The following ZNF804A variants were observed in gnomAD, a reference collection of about 807,000 sequenced individuals.
ZNF804A encodes the protein zinc finger protein 804A.
Under a neutral mutation model 16.5 loss-of-function variants are expected in ZNF804A, and 2 were observed. The ratio of observed to expected loss-of-function variants is 0.12; its 90% CI spans 0.05 to 0.38. ZNF804A has a LOEUF of 0.38. Ranked by LOEUF, ZNF804A falls within the 10% of genes least tolerant of loss-of-function variation. The pLI, the probability that ZNF804A is intolerant of heterozygous loss-of-function variation, is 0.99. For missense variants in ZNF804A, 1,473 were observed against 1,390.7 expected (o/e 1.06, Z -0.94); for synonymous variants, 534 against 489.6 (o/e 1.09, Z -1.20).
chr2:184,915,999 C>A, intron 2 of ZNF804A, among the ~76,000 whole-genome samples: 1 of 152,156 alleles, frequency 6.6e-6, no homozygotes, highest in East Asian at 1.9e-4. Flanking sequence ...AGGATATTTG[C>A]TAACATTCTA....
intron 1 of ZNF804A, among the ~76,000 whole-genome samples, chr2:184,765,556 C>A (rs557356073): frequency 7.8e-4 from 118 of 151,554 alleles, no homozygotes; most frequent in African/African-American, 2.6e-3. Context: ...ATGCAGCCCC[C>A]AGTCACGTAA....
intron 1 of ZNF804A, among the ~76,000 whole-genome samples, chr2:184,742,346 T>A (rs1385837967): frequency 1.3e-5 from 2 of 152,012 alleles, no homozygotes; most frequent in Non-Finnish European, 2.9e-5. Flanking sequence ...TCAGGTAATA[T>A]ATTCCCTTTC....
At chr2:184,776,144 G>A (rs910379063) in intron 1 of ZNF804A, among the ~76,000 whole-genome samples, 2 of 151,498 alleles carry the variant, frequency 1.3e-5, no homozygotes, top group African/African-American at 4.8e-5. Context: ...AAAAAGAACA[G>A]TTAAATCATA....
intron 1 of ZNF804A, among the ~76,000 whole-genome samples, chr2:184,781,072 A>G (rs984131013): frequency 6.6e-6 from 1 of 151,658 alleles, no homozygotes. Flanking sequence ...GTGATCTCTC[A>G]TCCTTGGAGA....
chr2:184,696,754 G>A (rs1416875880), intron 1 of ZNF804A, among the ~76,000 whole-genome samples: 1 of 151,854 alleles, frequency 6.6e-6, no homozygotes, highest in Non-Finnish European at 1.5e-5. Flanking sequence ...ACAATAGTTG[G>A]TTTTCATTCC....
At chr2:184,639,185 T>A (rs7600673) in intron 1 of ZNF804A, among the ~76,000 whole-genome samples, 18,854 of 151,328 alleles carry the variant, frequency 0.12, 1,259 homozygotes, top group Middle Eastern at 0.23. Context: ...GAAATTCTCT[T>A]GCTTCAGCCT....
chr2:184,723,563 C>T (rs1226433131), intron 1 of ZNF804A, among the ~76,000 whole-genome samples: 3 of 151,752 alleles, frequency 2.0e-5, no homozygotes, highest in Non-Finnish European at 3.0e-5. Flanking sequence ...TTTATAGGAA[C>T]ACCATTCAAC....
intron 1 of ZNF804A, among the ~76,000 whole-genome samples, chr2:184,647,352 C>T (rs974387658): frequency 5.9e-5 from 9 of 152,156 alleles, no homozygotes; most frequent in Admixed American, 6.5e-5. Flanking sequence ...AATGTAGTGA[C>T]GCCAACAAAG....
intron 1 of ZNF804A, among the ~76,000 whole-genome samples, chr2:184,860,447 A>C (rs1204995695): frequency 1.3e-5 from 2 of 152,246 alleles, no homozygotes; most frequent in Non-Finnish European, 2.9e-5. Flanking sequence ...GATTATATCC[A>C]CAGGAACTTG....
intron 1 of ZNF804A, among the ~76,000 whole-genome samples, chr2:184,777,376 G>A (rs1694304820): frequency 6.6e-6 from 1 of 151,496 alleles, no homozygotes; most frequent in Non-Finnish European, 1.5e-5. Context: ...ACTTAACCAG[G>A]CTTTAAATAT....
In ZNF804A at chr2:184,936,591, T is replaced by C. The variant is rs1190739664; in HGVS notation, c.1195T>C (p.Leu399=). ...EVENKNGPET[L]APSNTEEVNI... Reference sequence around the variant, plus strand: ...TGAAAATAAAAATGGTCCCGAGACATTGGCCCCTTCAAATACTGAAGAGGT... The same window carrying C: ...TGAAAATAAAAATGGTCCCGAGACACTGGCCCCTTCAAATACTGAAGAGGT... The change falls in exon 4 of 4, where the codon TTG becomes CTG. Residue 399 remains leucine, a synonymous_variant. Transcript: ENST00000302277. 4.3e-6 allele frequency: 7 copies of C among 1,614,048 alleles called. No individual in the cohort carries two copies. In the Admixed American group the frequency reaches 5.0e-5, roughly 12 times the overall value.
intron 1 of ZNF804A, among the ~76,000 whole-genome samples, chr2:184,682,027 C>A (rs759404118): frequency 2.5e-4 from 38 of 152,354 alleles, no homozygotes; most frequent in Non-Finnish European, 4.9e-4. Context: ...GCACCCCCTG[C>A]CGCCTCAGCC....
intron 1 of ZNF804A, among the ~76,000 whole-genome samples, chr2:184,600,823 G>A (rs187945066): frequency 5.1e-4 from 77 of 152,252 alleles, no homozygotes; most frequent in South Asian, 1.0e-3. Context: ...TGTGTGTTTG[G>A]AGTTGGTTCA....
intron 1 of ZNF804A, among the ~76,000 whole-genome samples, chr2:184,795,312 T>C (rs894853859): frequency 4.6e-5 from 7 of 152,146 alleles, no homozygotes; most frequent in Non-Finnish European, 7.4e-5. Flanking sequence ...AATCTGCTCC[T>C]CATTAAGCAC....
intron 1 of ZNF804A, among the ~76,000 whole-genome samples, chr2:184,844,396 G>A (rs912593994): frequency 5.9e-5 from 9 of 151,910 alleles, no homozygotes; most frequent in South Asian, 2.1e-4. Context: ...GTTTTTGCAG[G>A]GCACATTTGT....
intron 2 of ZNF804A, among the ~76,000 whole-genome samples, chr2:184,932,047 T>C (rs1334530086): frequency 2.0e-5 from 3 of 152,156 alleles, no homozygotes; most frequent in Non-Finnish European, 4.4e-5. Flanking sequence ...CTCATCTCCA[T>C]CTGAGACCAC....
intron 1 of ZNF804A, among the ~76,000 whole-genome samples, chr2:184,851,671 A>T (rs1398179484): frequency 6.6e-6 from 1 of 151,944 alleles, no homozygotes; most frequent in Non-Finnish European, 1.5e-5. Context: ...TTTCTTCAAC[A>T]TACCAATTTC....
At chr2:184,733,671 T>C (rs999994334) in intron 1 of ZNF804A, among the ~76,000 whole-genome samples, 2 of 152,174 alleles carry the variant, frequency 1.3e-5, no homozygotes, top group East Asian at 1.9e-4. Flanking sequence ...TTTTGGAAGA[T>C]TGTAAATTAT....
chr2:184,874,482 A>G (rs1696022234), intron 2 of ZNF804A, among the ~76,000 whole-genome samples: 1 of 152,110 alleles, frequency 6.6e-6, no homozygotes, highest in South Asian at 2.1e-4. Flanking sequence ...AAGCTGTCTT[A>G]ATTTCAGGGA....
Sources: allele counts gnomAD v4.1 joint callset (sites outside exome capture counted in the v4.1 genomes callset), GRCh38; gene constraint gnomAD v4.1.1; transcripts MANE v1.5; gene names NCBI Gene and HGNC (gene_info 2026-07-23, HGNC 2026-07-21).